SDK1: variants seen among roughly 807,000 people sequenced by gnomAD.
The protein encoded by SDK1 is sidekick cell adhesion molecule 1, also known as protein sidekick-1.
Under a neutral mutation model 245.5 loss-of-function variants are expected in SDK1, and 157 were observed. That is an observed-to-expected ratio of 0.64 (90% CI 0.56 to 0.73). The LOEUF is 0.73. SDK1 is among the 30% of genes least tolerant of loss of function. The probability of loss-of-function intolerance (pLI) is 0.00; values close to 1 mark genes in which losing one functional copy is unlikely to be tolerated. For synonymous variants in SDK1, 1,647 were observed against 1,278.5 expected, an observed-to-expected ratio of 1.29 and a Z score of -6.15; for missense variants, 3,583 against 3,002.3, an observed-to-expected ratio of 1.19 and a Z score of -4.52.
At chr7:4,162,364 T>A (rs921997713) in intron 32 of SDK1, among the ~76,000 whole-genome samples, 55 of 114,654 alleles carry the variant, frequency 4.8e-4, no homozygotes, top group African/African-American at 1.6e-3. Flanking sequence ...GTGGTTGTTG[T>A]TGTTGTTATT....
At chr7:3,331,933 A>G (rs1382941771) in intron 1 of SDK1, among the ~76,000 whole-genome samples, 2 of 152,214 alleles carry the variant, frequency 1.3e-5, no homozygotes, top group African/African-American at 4.8e-5. Flanking sequence ...TTTTATGGTA[A>G]ACATTAGTTA....
chr7:4,215,664 TTGG>T, intron 38 of SDK1, among the ~76,000 whole-genome samples: 1 of 152,250 alleles, frequency 6.6e-6, no homozygotes, highest in South Asian at 2.1e-4. Context: ...GGGAGCTGGT[TTGG>T]TGGTGGTGGT....
At chr7:3,852,592 CA>C (rs998985145) in intron 5 of SDK1, among the ~76,000 whole-genome samples, 3 of 148,618 alleles carry the variant, frequency 2.0e-5, no homozygotes, top group Admixed American at 6.7e-5. Context: ...CTAAAAAATA[CA>C]AAAAAAAATT....
intron 1 of SDK1, among the ~76,000 whole-genome samples, chr7:3,345,879 C>T (rs1205860890): frequency 2.0e-5 from 3 of 152,086 alleles, no homozygotes; most frequent in East Asian, 1.9e-4. Flanking sequence ...CTTGGGCTGC[C>T]GTGACATTGG....
chr7:3,987,312 C>G lies in SDK1; in HGVS notation c.2121C>G (p.Leu707=), dbSNP rs7785899. Residue 707 remains leucine, a synonymous_variant, in exon 14 of 45, where the codon CTC becomes CTG. Transcript: ENST00000404826. ...NSPILYYIVE[L]SENNSPWKVH... is the part of the protein sequence containing the mutation. The stretch of plus-strand genomic sequence containing the variant: ...CTATTCTTTATTACATCGTGGAGCT[C>G]TCTGAAAACAGTAAGTAGCAAAATG... 0.36 allele frequency: 575,647 copies of G among 1,611,446 alleles called. 109,590 individuals are homozygous for G. The highest frequency in any genetic ancestry group is 0.71 in the African/African-American group (53,409 of 74,862).
chr7:3,743,263 G>T (rs537799724), intron 4 of SDK1, among the ~76,000 whole-genome samples: 2 of 152,314 alleles, frequency 1.3e-5, no homozygotes, highest in South Asian at 2.1e-4. Flanking sequence ...GTAAATAGCA[G>T]ATGAATTTGG....
intron 13 of SDK1, among the ~76,000 whole-genome samples, chr7:3,983,835 T>G (rs1013793783): frequency 3.9e-5 from 6 of 152,178 alleles, no homozygotes; most frequent in African/African-American, 1.4e-4. Flanking sequence ...CACTTTGCCC[T>G]GGGCCATCAC....
At chr7:3,633,590 T>G (rs1420472831) in intron 2 of SDK1, among the ~76,000 whole-genome samples, 1 of 152,194 alleles carries the variant, frequency 6.6e-6, no homozygotes, top group Non-Finnish European at 1.5e-5. Flanking sequence ...GAGCCATGTT[T>G]TTTTGTTTAT....
intron 1 of SDK1, among the ~76,000 whole-genome samples, chr7:3,359,735 C>G (rs1780902374): frequency 1.3e-5 from 2 of 152,062 alleles, no homozygotes; most frequent in Admixed American, 1.3e-4. Context: ...TTCAGGAGTT[C>G]AGTAATTGTG....
chr7:3,773,375 T>A (rs1401467318), intron 4 of SDK1, among the ~76,000 whole-genome samples: 1 of 152,118 alleles, frequency 6.6e-6, no homozygotes, highest in Non-Finnish European at 1.5e-5. Context: ...GCTCCAGAAT[T>A]TCTTTTTGGT....
chr7:3,644,012 C>T (rs13230180), intron 4 of SDK1, among the ~76,000 whole-genome samples: 3 of 151,248 alleles, frequency 2.0e-5, no homozygotes, highest in Non-Finnish European at 4.4e-5. Context: ...AAGCGATTCT[C>T]CTGCCTCAGC....
At chr7:4,038,726 A>AT (rs1788390621) in intron 17 of SDK1, among the ~76,000 whole-genome samples, 1 of 152,250 alleles carries the variant, frequency 6.6e-6, no homozygotes, top group Non-Finnish European at 1.5e-5. Flanking sequence ...TGGAACTAGC[A>AT]TCTTGTATTC....
At chr7:3,814,054 T>C (rs1188142622) in intron 4 of SDK1, among the ~76,000 whole-genome samples, 3 of 125,724 alleles carry the variant, frequency 2.4e-5, no homozygotes, top group African/African-American at 9.6e-5. Flanking sequence ...TTCTCCCATG[T>C]TGTAGGTTGC....
At chr7:3,881,197 A>G (rs936671164) in intron 5 of SDK1, among the ~76,000 whole-genome samples, 6 of 152,030 alleles carry the variant, frequency 3.9e-5, no homozygotes, top group East Asian at 1.9e-4. Context: ...GAATCAACCC[A>G]CCACCTAGGT....
At chr7:3,343,550 T>C (rs150275755) in intron 1 of SDK1, among the ~76,000 whole-genome samples, 118 of 152,196 alleles carry the variant, frequency 7.8e-4, no homozygotes, top group African/African-American at 2.6e-3. Context: ...TGTGGGATCC[T>C]TGTGGTGGTG....
intron 5 of SDK1, among the ~76,000 whole-genome samples, chr7:3,832,637 C>A (rs1027091118): frequency 2.0e-5 from 3 of 152,160 alleles, no homozygotes; most frequent in Admixed American, 6.5e-5. Context: ...CACTTCGTAT[C>A]TGAGATGTAA....
intron 1 of SDK1, among the ~76,000 whole-genome samples, chr7:3,443,048 A>G (rs1780242229): frequency 1.4e-5 from 2 of 144,638 alleles, no homozygotes; most frequent in South Asian, 4.5e-4. Context: ...CAGCCTGTAA[A>G]AATAAAAATC....
At chr7:3,708,245 G>A (rs1047503488) in intron 4 of SDK1, among the ~76,000 whole-genome samples, 2 of 152,046 alleles carry the variant, frequency 1.3e-5, no homozygotes, top group Non-Finnish European at 2.9e-5. Flanking sequence ...AGGAGGGGTG[G>A]CACTAAACCA....
intron 13 of SDK1, among the ~76,000 whole-genome samples, chr7:3,975,867 GGT>G (rs1490414502): frequency 6.6e-6 from 1 of 152,152 alleles, no homozygotes; most frequent in Non-Finnish European, 1.5e-5. Context: ...CGGCGGCAGT[GGT>G]GCGGGGGTCC....
Sources: gnomAD v4.1 joint callset for allele counts (sites outside exome capture counted in the v4.1 genomes callset) on GRCh38, gnomAD v4.1.1 for gene constraint, MANE v1.5 for transcripts, NCBI Gene and HGNC (gene_info 2026-07-23, HGNC 2026-07-21) for gene names.